Variants in ADARB1 observed in about 807,000 individuals in gnomAD.
ADARB1 encodes the protein double-stranded RNA-specific editase 1.
ADARB1 carries 10 observed loss-of-function variants against 52.4 expected under a neutral mutation model. The observed-to-expected ratio is 0.19, with a 90% CI of 0.12 to 0.32. The LOEUF is 0.32. ADARB1 is among the 10% of genes least tolerant of loss of function. ADARB1 has a pLI of 1.00. For synonymous variants in ADARB1, 349 were observed against 371.1 expected (o/e 0.94, Z 0.68); for missense variants, 643 against 922.3 (o/e 0.70, Z 3.92).
At chr21:45,161,890 C>T (rs1380763414) in intron 2 of ADARB1, among the ~76,000 whole-genome samples, 1 of 152,200 alleles carries the variant, frequency 6.6e-6, no homozygotes, top group Admixed American at 6.5e-5. Flanking sequence ...GGATGACCTG[C>T]TTATGGAGAA....
intron 1 of ADARB1, among the ~76,000 whole-genome samples, chr21:45,083,066 C>G (rs1209695127): frequency 1.3e-5 from 2 of 152,172 alleles, no homozygotes; most frequent in Non-Finnish European, 2.9e-5. Context: ...CCATCTGTAC[C>G]CACCACTACC....
chr21:45,091,686 G>T (rs1488969119), intron 1 of ADARB1, among the ~76,000 whole-genome samples: 1 of 152,152 alleles, frequency 6.6e-6, no homozygotes, highest in South Asian at 2.1e-4. Flanking sequence ...GCATCCTACA[G>T]CATTGCCACA....
intron 9 of ADARB1, among the ~76,000 whole-genome samples, chr21:45,211,354 G>T (rs577706845): frequency 6.6e-6 from 1 of 152,300 alleles, no homozygotes; most frequent in South Asian, 2.1e-4. Context: ...CACTGGGGGT[G>T]CTGTGCACAG....
At chr21:45,116,878 G>A (rs2087856308) in intron 1 of ADARB1, 1 of 152,116 alleles carries the variant, frequency 6.6e-6, no homozygotes, top group Admixed American at 6.5e-5. Context: ...TGGGGACATG[G>A]CCAAACAATA....
chr21:45,182,499 G>T, intron 5 of ADARB1, 86 bp from the exon 6 acceptor site: 1 of 1,426,496 alleles, frequency 7.0e-7, no homozygotes, highest in Admixed American at 2.5e-5. Flanking sequence ...TTAAGTCACT[G>T]AGAATAAGAG....
At chr21:45,152,785 C>A (rs375475730) in intron 2 of ADARB1, 1 of 193,980 alleles carries the variant, frequency 5.2e-6, no homozygotes, top group Non-Finnish European at 1.2e-5. Flanking sequence ...CTGGGATAGA[C>A]GGCTTTGTGA....
chr21:45,137,344 G>A (rs2089449231), intron 2 of ADARB1: 1 of 152,286 alleles, frequency 6.6e-6, no homozygotes, highest in Admixed American at 6.5e-5. Flanking sequence ...ATCCTGATAT[G>A]TCGAGAGTTC....
chr21:45,182,933 C>T (rs2091979255), intron 6 of ADARB1, among the ~76,000 whole-genome samples, 180 bp downstream of exon 6: 1 of 152,190 alleles, frequency 6.6e-6, no homozygotes, highest in African/African-American at 2.4e-5. Context: ...CACATATGCA[C>T]ACATACATAC....
chr21:45,084,723 A>T (rs2086273932), intron 1 of ADARB1, among the ~76,000 whole-genome samples: 1 of 152,178 alleles, frequency 6.6e-6, no homozygotes, highest in Non-Finnish European at 1.5e-5. Context: ...CATATATATC[A>T]GTCAGGCTGG....
At chr21:45,163,649 G>C (rs556835434) in intron 2 of ADARB1, among the ~76,000 whole-genome samples, 5 of 152,340 alleles carry the variant, frequency 3.3e-5, no homozygotes, top group East Asian at 1.9e-4. Flanking sequence ...CCACAGCAGC[G>C]AGCCTTGTGC....
At chr21:45,100,738 GCTGTCAAGCGTCT>G (rs2086965766) in intron 1 of ADARB1, 1 of 152,536 alleles carries the variant, frequency 6.6e-6, no homozygotes, top group African/African-American at 2.4e-5. Flanking sequence ...GAGGCGGGCG[GCTGTCAAGCGTCT>G]CTGTTGCTCA....
chr21:45,121,613 A>C (rs908763383), intron 1 of ADARB1, among the ~76,000 whole-genome samples: 13 of 152,158 alleles, frequency 8.5e-5, no homozygotes, highest in African/African-American at 2.9e-4. Flanking sequence ...GTGTCTCTGC[A>C]CTGCTTTCTG....
At position 45,214,275 on chromosome 21, in the gene ADARB1, A is replaced by T. The variant is rs568021920; in HGVS notation, c.1748-6561A>T. Among the ~76,000 whole-genome samples the T allele has an allele frequency of 1.1e-4, 16 of 152,312 alleles. No homozygotes were observed. The South Asian group carries it at 3.3e-3, about 32-fold the overall frequency. ...TTTGAGAGTTATTTATATTTTCTAG[A>T]TACAGATCCTTTATCAGATATATGA... On this transcript the variant is annotated intron_variant, in intron 9 of 10. Transcript: ENST00000348831.
chr21:45,115,022 T>A (rs1057376222), intron 1 of ADARB1, among the ~76,000 whole-genome samples: 15 of 152,358 alleles, frequency 9.8e-5, no homozygotes, highest in African/African-American at 3.6e-4. Context: ...CATGATCTTT[T>A]GGGAATACAC....
At chr21:45,178,358 G>A (rs937154508) in intron 4 of ADARB1, among the ~76,000 whole-genome samples, 4 of 152,356 alleles carry the variant, frequency 2.6e-5, no homozygotes, top group South Asian at 4.1e-4. Context: ...GCCCCCTGAC[G>A]CCACGTTCCT....
In ADARB1 at chr21:45,220,488, A is replaced by G. The variant is rs1199403229; in HGVS notation, c.1748-348A>G. 2.0e-5 allele frequency among the ~76,000 whole-genome samples: 3 copies of G among 152,228 alleles called. No individual in the cohort carries two copies. Among genetic ancestry groups the G allele is most frequent in the Middle Eastern group, 3.4e-3 (1 of 292 alleles). ...CCCACCCATCCACTCTCAGGCTGCC[A>G]AGGTTCCTGGCTCCGTCAGTGCCAG... On this transcript the variant is annotated intron_variant, in intron 9 of 10. Transcript: ENST00000348831. The surrounding 1 kb of genome is among the most constrained non-coding windows in gnomAD (Gnocchi z 6.3).
At chr21:45,213,752 GCATTGCA>G (rs113890183) in intron 9 of ADARB1, among the ~76,000 whole-genome samples, 2,364 of 152,270 alleles carry the variant, frequency 0.016, 70 homozygotes, top group African/African-American at 0.052. Context: ...TTGCTAAGTA[GCATTGCA>G]CTGGGTGGAT....
chr21:45,107,635 C>G (rs922663319), intron 1 of ADARB1, among the ~76,000 whole-genome samples: 6 of 151,940 alleles, frequency 3.9e-5, no homozygotes, highest in Non-Finnish European at 2.9e-5. Context: ...CAATTGGACT[C>G]CATTTTGTAA....
Position 45,208,793 on chromosome 21 carries a change from G to T in ADARB1, c.1747+4057G>T, listed in dbSNP as rs1310797198. On this transcript the variant is annotated intron_variant, in intron 9 of 10. Coordinates refer to ENST00000348831, the MANE Select transcript of ADARB1 (RefSeq NM_001112.4). This position sits in a 1 kb window ranked among gnomAD's most constrained non-coding sequence, Gnocchi z 5.6. ...CAGGCACCGGGGTTGTGGGAAAGAGGTGTCAGTAATGTGAGTTTCCTCCTT... is the reference window on the plus strand; with the variant it reads ...CAGGCACCGGGGTTGTGGGAAAGAGTTGTCAGTAATGTGAGTTTCCTCCTT... Among the ~76,000 whole-genome samples the T allele has an allele frequency of 6.6e-6, 1 of 152,086 alleles. No homozygotes were observed. The highest frequency in any genetic ancestry group is 1.9e-4 in the East Asian group (1 of 5,192).
Sources: gnomAD v4.1 joint callset for allele counts (sites outside exome capture counted in the v4.1 genomes callset) on GRCh38, gnomAD v4.1.1 for gene constraint, Gnocchi (gnomAD v3.1) non-coding constraint, MANE v1.5 for transcripts, NCBI Gene and HGNC (gene_info 2026-07-23, HGNC 2026-07-21) for gene names.